ADGRB3: variants seen among roughly 807,000 people sequenced by gnomAD.
ADGRB3 encodes adhesion G protein-coupled receptor B3.
A neutral mutation model predicts 193.4 loss-of-function variants in ADGRB3; 37 were observed. The ratio of observed to expected loss-of-function variants is 0.19; its 90% CI spans 0.15 to 0.25. ADGRB3 has a LOEUF of 0.25. ADGRB3 is among the 10% of genes least tolerant of loss of function. The probability of loss-of-function intolerance (pLI) is 1.00; values close to 1 mark genes in which losing one functional copy is unlikely to be tolerated. For missense variants in ADGRB3, 1,637 were observed against 1,852.9 expected (o/e 0.88, Z 2.14); for synonymous variants, 690 against 644.2 (o/e 1.07, Z -1.08).
At chr6:68,953,464 G>C (rs1434700003) in intron 6 of ADGRB3, among the ~76,000 whole-genome samples, 1 of 152,140 alleles carries the variant, frequency 6.6e-6, no homozygotes, top group African/African-American at 2.4e-5. Flanking sequence ...GCTTAGGATG[G>C]TGAGGCTTCA....
At chr6:69,119,319 A>G (rs1240880767) in intron 17 of ADGRB3, among the ~76,000 whole-genome samples, 3 of 152,208 alleles carry the variant, frequency 2.0e-5, no homozygotes, top group Non-Finnish European at 4.4e-5. Context: ...CCTTCTGCCT[A>G]CTATGTGCAA....
chr6:68,698,444 T>G (rs534491376), intron 3 of ADGRB3, among the ~76,000 whole-genome samples: 1 of 152,016 alleles, frequency 6.6e-6, no homozygotes, highest in Non-Finnish European at 1.5e-5. Context: ...TCAAAATAAA[T>G]AGGAACTCTT....
At position 68,765,537 on chromosome 6, in the gene ADGRB3, G is replaced by GACACACACACACAC. The variant is rs59919588; in HGVS notation, c.757+126132_757+126145dup. 6.9e-3 allele frequency among the ~76,000 whole-genome samples: 994 copies of GACACACACACACAC among 143,542 alleles called. 8 individuals are homozygous for GACACACACACACAC. The highest frequency in any genetic ancestry group is 0.021 in the South Asian group (92 of 4,416). The allele number at this position is 143,542 out of a possible 152,430, so 94.2% of individuals were successfully genotyped here. A position where few individuals can be genotyped will look rare whatever the true frequency, so the allele number is the denominator to read the frequency against. ...TTCTTGTCCTGTATATATTCTTATA[G>GACACACACACACAC]ACACACACACACACACACACACACA... is the stretch of plus-strand genomic sequence containing the variant. On this transcript the variant is annotated intron_variant, in intron 3 of 31. Transcript: ENST00000370598.
At chr6:68,854,148 A>G (rs1044256380) in intron 3 of ADGRB3, among the ~76,000 whole-genome samples, 1 of 151,708 alleles carries the variant, frequency 6.6e-6, no homozygotes, top group Admixed American at 6.6e-5. Flanking sequence ...GGCTCCATCC[A>G]CTCTCTTTCT....
intron 31 of ADGRB3, 72 bp downstream of exon 31, chr6:69,383,007 C>A (rs1427801686): frequency 3.0e-6 from 3 of 1,007,042 alleles, no homozygotes; most frequent in Non-Finnish European, 4.4e-6. Flanking sequence ...CTTCCAGGAC[C>A]TCCTAATGGT....
intron 30 of ADGRB3, among the ~76,000 whole-genome samples, chr6:69,381,612 T>C (rs1446929454): frequency 6.6e-6 from 1 of 151,982 alleles, no homozygotes; most frequent in Non-Finnish European, 1.5e-5. Context: ...TTTTGTCTTT[T>C]GTCCTTTTCC....
intron 20 of ADGRB3, among the ~76,000 whole-genome samples, chr6:69,248,316 G>C (rs544629064): frequency 6.6e-6 from 1 of 152,230 alleles, no homozygotes; most frequent in Non-Finnish European, 1.5e-5. Flanking sequence ...ATCACAGAAA[G>C]TGAATTACTT....
Position 68,936,533 on chromosome 6 carries a change from G to C in ADGRB3, c.883G>C (p.Glu295Gln). The C allele has an allele frequency of 6.2e-7, 1 of 1,613,916 alleles. No individual in the cohort carries two copies. The highest frequency in any genetic ancestry group is 8.5e-7 in the Non-Finnish European group (1 of 1,179,922). ...CTTGCACGCAGGTGAATCTGGTGTG[G>C]AAGAGTGGTCCCAGTGGAGCACATG... The part of the protein sequence containing the change: ...FMAQTGESGV[E>Q]EWSQWSTCSV... The change falls in exon 5 of 32, where the codon GAA becomes CAA. Residue 295 changes from glutamate (E) to glutamine (Q), a missense_variant. This residue lies in a region of ADGRB3 where 365 missense variants were observed against 409.8 expected (regional missense o/e 0.89). Coordinates refer to ENST00000370598, the MANE Select transcript of ADGRB3 (RefSeq NM_001704.3).
chr6:69,112,681 A>C (rs538520536), intron 17 of ADGRB3, among the ~76,000 whole-genome samples: 1 of 152,328 alleles, frequency 6.6e-6, no homozygotes, highest in Non-Finnish European at 1.5e-5. Context: ...AAAATAAAAA[A>C]AGACAAACTC....
rs3778234 is a variant in ADGRB3, at chr6:69,032,942, G to A, written c.2107+14443G>A. Among the ~76,000 whole-genome samples the A allele has an allele frequency of 2.6e-5, 4 of 152,246 alleles. No individual in the cohort carries two copies. In the East Asian group the frequency reaches 7.7e-4, roughly 29 times the overall value. ...ACATACAAACACAAGGCCAAATATG[G>A]GCTGTGCTACTGATTTGATATGTGA... On this transcript the variant is annotated intron_variant, in intron 13 of 31. Transcript: ENST00000370598.
chr6:68,949,736 A>G (rs766465490), intron 6 of ADGRB3, among the ~76,000 whole-genome samples: 17 of 152,228 alleles, frequency 1.1e-4, no homozygotes, highest in Admixed American at 6.5e-5. Flanking sequence ...TTGTATGACA[A>G]TTATATTTGT....
intron 3 of ADGRB3, among the ~76,000 whole-genome samples, chr6:68,898,337 T>C (rs942058038): frequency 7.2e-5 from 11 of 152,074 alleles, no homozygotes; most frequent in African/African-American, 2.7e-4. Context: ...CCTCAATGAA[T>C]TGGATAATGC....
At chr6:68,911,120 A>G (rs1294770018) in intron 3 of ADGRB3, among the ~76,000 whole-genome samples, 2 of 151,986 alleles carry the variant, frequency 1.3e-5, no homozygotes, top group Admixed American at 6.6e-5. Flanking sequence ...CTTTGTAGGG[A>G]CATGGATGAA....
chr6:68,815,123 G>A (rs1356866637), intron 3 of ADGRB3, among the ~76,000 whole-genome samples: 2 of 152,098 alleles, frequency 1.3e-5, no homozygotes, highest in Non-Finnish European at 1.5e-5. Context: ...ACATCGTGTT[G>A]GGAGTTCTGG....
chr6:68,942,195 G>T (rs1767661735), intron 5 of ADGRB3, among the ~76,000 whole-genome samples: 2 of 151,890 alleles, frequency 1.3e-5, no homozygotes, highest in African/African-American at 4.8e-5. Flanking sequence ...TCACAATTAA[G>T]GTATACTATG....
chr6:69,153,355 A>G (rs947906394), intron 17 of ADGRB3, among the ~76,000 whole-genome samples: 4 of 152,200 alleles, frequency 2.6e-5, no homozygotes, highest in African/African-American at 9.6e-5. Context: ...AAGCTTGATA[A>G]TGTCAATGAC....
At chr6:68,840,425 C>G (rs138765184) in intron 3 of ADGRB3, among the ~76,000 whole-genome samples, 5,776 of 92,320 alleles carry the variant, frequency 0.063, 496 homozygotes, top group Non-Finnish European at 0.084. Flanking sequence ...AGGTCTTTCT[C>G]TGTCACCTAG....
At chr6:68,690,038 A>T (rs1391015959) in intron 3 of ADGRB3, among the ~76,000 whole-genome samples, 2 of 152,090 alleles carry the variant, frequency 1.3e-5, no homozygotes, top group African/African-American at 4.8e-5. Flanking sequence ...GTCTGTGGTT[A>T]TAGGTGTAAG....
chr6:68,986,444 C>T (rs1769079234), intron 10 of ADGRB3, among the ~76,000 whole-genome samples: 1 of 152,126 alleles, frequency 6.6e-6, no homozygotes, highest in Non-Finnish European at 1.5e-5. Context: ...TTGATGTTTC[C>T]ACTTTAGGGC....
Sources: allele counts gnomAD v4.1 joint callset (sites outside exome capture counted in the v4.1 genomes callset), GRCh38; gene constraint gnomAD v4.1.1; regional missense constraint gnomAD v4.1.1; transcripts MANE v1.5; gene names NCBI Gene and HGNC (gene_info 2026-07-23, HGNC 2026-07-21).